ZFR: variants seen among roughly 807,000 people sequenced by gnomAD.
ZFR encodes the protein zinc finger RNA binding protein, also known as zinc finger RNA-binding protein.
A neutral mutation model predicts 130.7 loss-of-function variants in ZFR; 19 were observed. The ratio of observed to expected loss-of-function variants is 0.15; its 90% CI spans 0.10 to 0.21. The LOEUF (loss-of-function observed/expected upper bound fraction) is 0.21. Among genes scored for constraint, ZFR ranks in the 10% least tolerant of loss-of-function variants. The pLI, the probability that ZFR is intolerant of heterozygous loss-of-function variation, is 1.00. For missense variants in ZFR, 872 were observed against 1,321.5 expected, an observed-to-expected ratio of 0.66 and a Z score of 5.27; for synonymous variants, 466 against 456.9, an observed-to-expected ratio of 1.02 and a Z score of -0.25.
intron 2 of ZFR, among the ~76,000 whole-genome samples, chr5:32,430,872 T>G (rs1266010702): frequency 6.6e-6 from 1 of 152,140 alleles, no homozygotes; most frequent in African/African-American, 2.4e-5. Context: ...GTCCAGGAGT[T>G]TGAGACCAGC....
At chr5:32,433,905 A>C (rs1013597449) in intron 2 of ZFR, among the ~76,000 whole-genome samples, 5 of 151,888 alleles carry the variant, frequency 3.3e-5, no homozygotes, top group African/African-American at 9.7e-5. Flanking sequence ...ACATGGCAAA[A>C]ACCCCATCTC....
chr5:32,444,179 G>A, intron 2 of ZFR, 50 bp downstream of exon 2: 2 of 1,574,830 alleles, frequency 1.3e-6, no homozygotes, highest in Non-Finnish European at 1.7e-6. Flanking sequence ...ACAGGATCCG[G>A]ACCGAGGGGA....
intron 2 of ZFR, among the ~76,000 whole-genome samples, chr5:32,428,891 A>G (rs1754135400): frequency 6.6e-6 from 1 of 152,192 alleles, no homozygotes; most frequent in Non-Finnish European, 1.5e-5. Flanking sequence ...GAGACATGGA[A>G]GAATTGGAAA....
Position 32,370,310 on chromosome 5 carries a change from G to GAGAGAGA in ZFR, c.2836-6036_2836-6035insTCTCTCT. 2.9e-5 allele frequency among the ~76,000 whole-genome samples: 2 copies of GAGAGAGA among 69,856 alleles called. 1 individual carries two copies. The highest frequency in any genetic ancestry group is 1.3e-4 in the African/African-American group (2 of 14,914). The allele number at this position is 69,856 out of a possible 152,430, so 45.8% of individuals were successfully genotyped here. On this transcript the variant is annotated intron_variant, in intron 17 of 19. Coordinates refer to ENST00000265069, the MANE Select transcript of ZFR (RefSeq NM_016107.5). ...TATAATAACATTGTGTGTTGTGGGGGGAGAGAGAGAGAGAGAGAGAGAGAG... is the reference window on the plus strand; with the variant it reads ...TATAATAACATTGTGTGTTGTGGGGGAGAGAGAGAGAGAGAGAGAGAGAGAGAGAGAG...
intron 19 of ZFR, among the ~76,000 whole-genome samples, chr5:32,356,579 AT>A (rs952301838): frequency 1.8e-3 from 256 of 144,114 alleles, no homozygotes; most frequent in Admixed American, 2.7e-3. Context: ...CGCCTGGCTA[AT>A]TTTTTTTTTT....
chr5:32,383,730 A>G (rs747511233), intron 15 of ZFR: 1 of 456,664 alleles, frequency 2.2e-6, no homozygotes, highest in South Asian at 1.5e-5. Context: ...GACACAGAGC[A>G]CTGGGAGCTG....
intron 8 of ZFR, among the ~76,000 whole-genome samples, chr5:32,402,594 C>G (rs947060014): frequency 6.7e-6 from 1 of 148,994 alleles, no homozygotes; most frequent in Non-Finnish European, 1.5e-5. Context: ...TGGTGAAACC[C>G]CATCTCTACC....
intron 2 of ZFR, among the ~76,000 whole-genome samples, chr5:32,442,452 A>G (rs1449906845): frequency 1.3e-5 from 2 of 152,238 alleles, no homozygotes; most frequent in African/African-American, 4.8e-5. Context: ...AGTCCTAAAA[A>G]GTTTTATCAA....
At chr5:32,397,142 T>G (rs150395277) in intron 10 of ZFR, 77 bp downstream of exon 10, 1 of 1,503,758 alleles carries the variant, frequency 6.7e-7, no homozygotes, top group East Asian at 2.3e-5. Flanking sequence ...GATGCTTTCT[T>G]TTACATAAAG....
intron 9 of ZFR, among the ~76,000 whole-genome samples, chr5:32,399,284 C>CAAAAACA (rs1381689457): frequency 2.0e-5 from 3 of 150,446 alleles, no homozygotes; most frequent in Non-Finnish European, 4.4e-5. Context: ...CAAACAAAAA[C>CAAAAACA]AAAAACAAAA....
chr5:32,383,692 G>A, intron 15 of ZFR: 1 of 449,840 alleles, frequency 2.2e-6, no homozygotes, highest in Non-Finnish European at 4.5e-6. Context: ...ACTCCCCAAA[G>A]CAAGCTATAG....
chr5:32,415,409 C>CA (rs1164546597), intron 4 of ZFR, among the ~76,000 whole-genome samples: 5 of 151,492 alleles, frequency 3.3e-5, no homozygotes, highest in African/African-American at 1.2e-4. Context: ...TATGTATTTC[C>CA]AAAATGATTA....
intron 2 of ZFR, among the ~76,000 whole-genome samples, chr5:32,435,461 G>C (rs553216792): frequency 6.6e-6 from 1 of 152,196 alleles, no homozygotes; most frequent in Non-Finnish European, 1.5e-5. Flanking sequence ...CAGATATTCT[G>C]ATAGTAACTT....
chr5:32,374,280 C>T (rs998434411), intron 17 of ZFR, among the ~76,000 whole-genome samples: 3 of 152,006 alleles, frequency 2.0e-5, no homozygotes, highest in South Asian at 4.1e-4. Context: ...CCAAGGTGGG[C>T]GGATCACTTG....
rs1753069521 is a variant in ZFR at position 32,387,603 on chromosome 5, T to C, written c.2445A>G (p.Lys815=). The change falls in exon 14 of 20, where the codon AAA becomes AAG. Residue 815 remains lysine, a synonymous_variant. Coordinates refer to ENST00000265069, the MANE Select transcript of ZFR (RefSeq NM_016107.5). ...TACGGCTTAATAATGTCTTTGAAGG[T>C]TTCTCTGAGCACAGCAAAACAAGGT... ...NVNLVLLCSE[K]PSKTLLSRIA... The C allele has an allele frequency of 6.2e-7, 1 of 1,613,504 alleles. No individual in the cohort carries two copies. The highest frequency in any genetic ancestry group is 8.5e-7 in the Non-Finnish European group (1 of 1,179,622).
intron 7 of ZFR, 61 bp downstream of exon 7, chr5:32,403,845 T>C: frequency 6.8e-7 from 1 of 1,468,638 alleles, no homozygotes; most frequent in Non-Finnish European, 9.1e-7. Context: ...CCTAACCCCC[T>C]TTGAAAAAGT....
At chr5:32,361,779 C>A (rs562431448) in intron 19 of ZFR, among the ~76,000 whole-genome samples, 1 of 152,042 alleles carries the variant, frequency 6.6e-6, no homozygotes. Flanking sequence ...CATGCCACCA[C>A]GCCCGGCTAA....
intron 2 of ZFR, among the ~76,000 whole-genome samples, chr5:32,442,149 AAAGT>A (rs1754489042): frequency 6.6e-6 from 1 of 152,226 alleles, no homozygotes; most frequent in Admixed American, 6.5e-5. Flanking sequence ...TACAGTAAAT[AAAGT>A]TAGTAATTCA....
chr5:32,392,281 C>T (rs1753198409), intron 11 of ZFR, among the ~76,000 whole-genome samples: 1 of 125,468 alleles, frequency 8.0e-6, no homozygotes, highest in Non-Finnish European at 1.8e-5. Context: ...ACTGTGGATG[C>T]TTAATAGTTG....
Sources: gnomAD v4.1 joint callset for allele counts (sites outside exome capture counted in the v4.1 genomes callset) on GRCh38, gnomAD v4.1.1 for gene constraint, MANE v1.5 for transcripts, NCBI Gene and HGNC (gene_info 2026-07-23, HGNC 2026-07-21) for gene names.